The following TAFA5 variants were observed in gnomAD, a reference collection of about 807,000 sequenced individuals.
TAFA5 encodes the protein chemokine-like protein TAFA-5.
Under a neutral mutation model 15.3 loss-of-function variants are expected in TAFA5, and 6 were observed. That is an observed-to-expected ratio of 0.39 (90% CI 0.21 to 0.77). The LOEUF is 0.77. Among genes scored for constraint, TAFA5 ranks in the 30% least tolerant of loss-of-function variants. TAFA5 has a pLI of 0.41. For missense variants in TAFA5, 161 were observed against 193.1 expected (o/e 0.83, Z 0.98); for synonymous variants, 103 against 80.7 (o/e 1.28, Z -1.48).
chr22:48,729,364 ATAAT>A (rs1195546304), intron 3 of TAFA5, among the ~76,000 whole-genome samples: 3 of 135,330 alleles, frequency 2.2e-5, no homozygotes, highest in South Asian at 2.3e-4. Context: ...TTAGTATATA[ATAAT>A]TTATAAATAT....
chr22:48,648,211 G>A (rs1453040676), intron 2 of TAFA5, among the ~76,000 whole-genome samples: 1 of 151,128 alleles, frequency 6.6e-6, no homozygotes, highest in Non-Finnish European at 1.5e-5. Flanking sequence ...TGTGTCCCAT[G>A]CTCAGCTGGC....
At chr22:48,571,091 C>T (rs1923565611) in intron 1 of TAFA5, among the ~76,000 whole-genome samples, 1 of 152,078 alleles carries the variant, frequency 6.6e-6, no homozygotes, top group South Asian at 2.1e-4. Context: ...ACTTCTGAAT[C>T]CCCTCAAATG....
chr22:48,670,093 G>A (rs892993570), intron 2 of TAFA5, among the ~76,000 whole-genome samples: 2 of 152,198 alleles, frequency 1.3e-5, no homozygotes, highest in African/African-American at 4.8e-5. Context: ...CAGATGTTCA[G>A]CCCTGGCCTC....
intron 2 of TAFA5, among the ~76,000 whole-genome samples, chr22:48,692,731 G>A (rs534506994): frequency 2.1e-4 from 32 of 152,362 alleles, no homozygotes; most frequent in Non-Finnish European, 4.4e-4. Flanking sequence ...TATTTAAAAC[G>A]CATACGTATC....
At chr22:48,678,583 A>AGGGCTGCGGCAGGCGGGGCCG (rs1928051941) in intron 2 of TAFA5, among the ~76,000 whole-genome samples, 1 of 152,156 alleles carries the variant, frequency 6.6e-6, no homozygotes, top group African/African-American at 2.4e-5. Context: ...TGACCTAAGC[A>AGGGCTGCGGCAGGCGGGGCCG]GGGCTGCGGC....
intron 2 of TAFA5, among the ~76,000 whole-genome samples, chr22:48,664,106 A>T (rs1258134355): frequency 6.6e-6 from 1 of 152,228 alleles, no homozygotes; most frequent in Non-Finnish European, 1.5e-5. Flanking sequence ...ACGGTGTATA[A>T]AAAGTGCATA....
chr22:48,544,910 C>T (rs943024800), intron 1 of TAFA5: 19 of 470,544 alleles, frequency 4.0e-5, no homozygotes, highest in African/African-American at 3.6e-4. Flanking sequence ...TCTGTCCCAC[C>T]TCCTGCCGCA....
intron 1 of TAFA5, among the ~76,000 whole-genome samples, chr22:48,536,436 G>A (rs112023201): frequency 0.014 from 2,114 of 152,342 alleles, 23 homozygotes; most frequent in Non-Finnish European, 0.019. Context: ...TGTCAGCACC[G>A]GGAGCCGGCG....
chr22:48,542,551 TGTATGTGTGTGTG>T (rs1922471155), intron 1 of TAFA5, among the ~76,000 whole-genome samples: 1 of 82,072 alleles, frequency 1.2e-5, no homozygotes, highest in Non-Finnish European at 2.3e-5. Flanking sequence ...GTGTGTGATG[TGTATGTGTGTGTG>T]GTGTGTGTGG....
chr22:48,507,711 G>C (rs5767177), intron 1 of TAFA5, among the ~76,000 whole-genome samples: 11,748 of 152,206 alleles, frequency 0.077, 637 homozygotes, highest in Admixed American at 0.17. Context: ...AGGGAGAGCG[G>C]GCTGGAAACA....
rs564054870 is a variant in TAFA5 at position 48,688,150 on chromosome 22, G to A, written c.263-19567G>A. On this transcript the variant is annotated intron_variant, in intron 2 of 3. Transcript: ENST00000402357. ...CTAATTTGATGACCCAGACTTGGAG[G>A]GTTTTGCACTGGCGCACCCTTCATA... Among the ~76,000 whole-genome samples, 118 of 152,012 alleles carry A rather than the reference G, an allele frequency of 7.8e-4. 1 individual carries two copies. The highest frequency in any genetic ancestry group is 1.1e-3 in the Non-Finnish European group (78 of 67,978).
chr22:48,564,545 G>A (rs1601582393), intron 1 of TAFA5, among the ~76,000 whole-genome samples: 1 of 152,212 alleles, frequency 6.6e-6, no homozygotes, highest in Non-Finnish European at 1.5e-5. Flanking sequence ...CAGCCCACTG[G>A]GAGCTCTGAA....
intron 1 of TAFA5, among the ~76,000 whole-genome samples, chr22:48,631,800 C>T (rs1041730698): frequency 2.6e-5 from 4 of 152,118 alleles, no homozygotes; most frequent in South Asian, 2.1e-4. Flanking sequence ...AAAGGGTCTG[C>T]GTGGCCGTGT....
chr22:48,693,756 C>A (rs1473264407), intron 2 of TAFA5, among the ~76,000 whole-genome samples: 3 of 152,236 alleles, frequency 2.0e-5, no homozygotes, highest in African/African-American at 7.2e-5. Context: ...CCTCCCCCAA[C>A]CCTCCAGCCT....
At chr22:48,528,606 G>C (rs1236174014) in intron 1 of TAFA5, among the ~76,000 whole-genome samples, 1 of 152,208 alleles carries the variant, frequency 6.6e-6, no homozygotes, top group African/African-American at 2.4e-5. Flanking sequence ...GTGGCCTCGG[G>C]GACTGTGGTT....
chr22:48,613,867 A>G (rs1925500709), intron 1 of TAFA5, among the ~76,000 whole-genome samples: 1 of 152,166 alleles, frequency 6.6e-6, no homozygotes, highest in African/African-American at 2.4e-5. Context: ...TCACAGCTGC[A>G]CAGAGTCTCC....
chr22:48,650,960 C>T (rs550068268), intron 2 of TAFA5, among the ~76,000 whole-genome samples: 3 of 152,246 alleles, frequency 2.0e-5, no homozygotes, highest in Non-Finnish European at 2.9e-5. Context: ...GCAGCCACCA[C>T]AGCACGGCAC....
chr22:48,542,425 ATGTGTGTGGTGTGTG>A (rs1922450593), intron 1 of TAFA5, among the ~76,000 whole-genome samples: 1 of 48,864 alleles, frequency 2.0e-5, no homozygotes, highest in Non-Finnish European at 3.7e-5. Context: ...TGTGGTGTGT[ATGTGTGTGGTGTGTG>A]TGTGGTGTAT....
intron 1 of TAFA5, among the ~76,000 whole-genome samples, chr22:48,502,711 G>C (rs6008742): frequency 3.3e-5 from 5 of 151,758 alleles, no homozygotes; most frequent in African/African-American, 1.2e-4. Context: ...TAGAAGAGAC[G>C]TGGTTTTGCC....
Sources: gnomAD v4.1 joint callset for allele counts (sites outside exome capture counted in the v4.1 genomes callset) on GRCh38, gnomAD v4.1.1 for gene constraint, MANE v1.5 for transcripts, NCBI Gene and HGNC (gene_info 2026-07-23, HGNC 2026-07-21) for gene names.